NEK11: variants seen among roughly 807,000 people sequenced by gnomAD.
NEK11 encodes the protein serine/threonine-protein kinase Nek11.
NEK11 carries 72 observed loss-of-function variants against 80.7 expected under a neutral mutation model. That is an observed-to-expected ratio of 0.89 (90% CI 0.74 to 1.08). The LOEUF is 1.08. Among genes scored for constraint, NEK11 ranks in the 50% least tolerant of loss-of-function variants. NEK11 has a pLI of 0.00. For missense variants in NEK11, 764 were observed against 763.6 expected (o/e 1.00, Z -0.01); for synonymous variants, 251 against 260.7 (o/e 0.96, Z 0.36).
chr3:131,087,369 G>A (rs1039440105), intron 4 of NEK11, among the ~76,000 whole-genome samples: 2 of 149,342 alleles, frequency 1.3e-5, no homozygotes, highest in African/African-American at 2.5e-5. Flanking sequence ...TCAGCCTCCC[G>A]GGTAGCTGTG....
intron 3 of NEK11, among the ~76,000 whole-genome samples, chr3:131,033,838 T>G (rs2065235281): frequency 6.6e-6 from 1 of 152,210 alleles, no homozygotes; most frequent in Non-Finnish European, 1.5e-5. Flanking sequence ...GTTTTCTTCC[T>G]GGCATAAATA....
At chr3:131,093,687 T>C (rs1406750774) in intron 4 of NEK11, among the ~76,000 whole-genome samples, 1 of 152,124 alleles carries the variant, frequency 6.6e-6, no homozygotes, top group Non-Finnish European at 1.5e-5. Flanking sequence ...ATTACAGGCG[T>C]GAGCCACTGC....
chr3:131,179,412 G>A (rs1001778288), intron 14 of NEK11, among the ~76,000 whole-genome samples: 2 of 152,126 alleles, frequency 1.3e-5, no homozygotes, highest in African/African-American at 2.4e-5. Flanking sequence ...AATATGAGCT[G>A]GAAGTAAGGA....
intron 3 of NEK11, among the ~76,000 whole-genome samples, chr3:131,055,643 T>C (rs2069328143): frequency 6.6e-6 from 1 of 152,068 alleles, no homozygotes; most frequent in Admixed American, 6.5e-5. Context: ...GGTGAAAGGA[T>C]CACTTGAGCC....
At chr3:131,085,136 C>T (rs989230210) in intron 4 of NEK11, among the ~76,000 whole-genome samples, 1 of 152,288 alleles carries the variant, frequency 6.6e-6, no homozygotes. Context: ...TCCCAGGCAA[C>T]CTTCTGATCC....
intron 1 of NEK11, 93 bp downstream of exon 1, chr3:131,027,099 T>C (rs1457966335): frequency 1.3e-5 from 2 of 152,422 alleles, no homozygotes; most frequent in Admixed American, 6.5e-5. Context: ...TCCGAATCTC[T>C]AGGACGCCAT....
intron 15 of NEK11, among the ~76,000 whole-genome samples, chr3:131,233,035 A>ATT (rs2095362984): frequency 7.3e-6 from 1 of 136,428 alleles, no homozygotes; most frequent in Non-Finnish European, 1.6e-5. Context: ...GAAGGAAGGA[A>ATT]GGTTGGATGA....
chr3:131,177,963 C>T (rs930926829), intron 14 of NEK11, among the ~76,000 whole-genome samples: 2 of 152,214 alleles, frequency 1.3e-5, no homozygotes, highest in Non-Finnish European at 2.9e-5. Flanking sequence ...GCCTAATGCG[C>T]ATCTAGGCTC....
At chr3:131,036,115 C>T (rs534284931) in intron 3 of NEK11, among the ~76,000 whole-genome samples, 1 of 152,302 alleles carries the variant, frequency 6.6e-6, no homozygotes, top group East Asian at 1.9e-4. Flanking sequence ...TGGCATTGGT[C>T]CTAGTCATTG....
At chr3:131,100,104 T>A (rs1267860149) in intron 4 of NEK11, among the ~76,000 whole-genome samples, 2 of 152,242 alleles carry the variant, frequency 1.3e-5, no homozygotes, top group South Asian at 4.1e-4. Context: ...TCTTCATAGA[T>A]GGCTCTTATT....
intron 4 of NEK11, among the ~76,000 whole-genome samples, chr3:131,082,145 C>A (rs886716425): frequency 7.2e-5 from 11 of 152,130 alleles, no homozygotes; most frequent in African/African-American, 2.4e-4. Context: ...CAGTGGATTG[C>A]TGAGAAAATC....
At position 131,211,381 on chromosome 3, in the gene NEK11, C is replaced by G. The variant is rs947304602; in HGVS notation, c.1400-17147C>G. ...TCCCTTTGTGGGTAACCCAACCTTT[C>G]TCTCTGGCTGCCCTTAACATTTTTT... On this transcript the variant is annotated intron_variant, in intron 14 of 17. Coordinates refer to ENST00000383366, the MANE Select transcript of NEK11 (RefSeq NM_024800.5). 5.9e-5 allele frequency among the ~76,000 whole-genome samples: 9 copies of G among 152,298 alleles called. No individual in the cohort carries two copies. In the East Asian group the frequency reaches 1.7e-3, roughly 29 times the overall value.
intron 3 of NEK11, among the ~76,000 whole-genome samples, chr3:131,059,034 A>C (rs1328999941): frequency 2.0e-5 from 3 of 152,236 alleles, no homozygotes; most frequent in Non-Finnish European, 4.4e-5. Context: ...TTCAAAAGAA[A>C]GATTAAAAAA....
At chr3:131,338,265 G>GT (rs1554023900) in intron 17 of NEK11, among the ~76,000 whole-genome samples, 21,927 of 91,618 alleles carry the variant, frequency 0.24, 3,981 homozygotes, top group Middle Eastern at 0.34. Context: ...GCGCCCAGCT[G>GT]GTTTTTTTTT....
rs568713944 is a variant in NEK11 at position 131,338,690 on chromosome 3, C to A, written c.1719-10867C>A. Among the ~76,000 whole-genome samples, 104 of 152,190 alleles carry A rather than the reference C, an allele frequency of 6.8e-4. 3 individuals are homozygous for A. Among genetic ancestry groups the A allele is most frequent in the Non-Finnish European group, 4.8e-4 (33 of 68,050 alleles). On this transcript the variant is annotated intron_variant, in intron 17 of 17. Coordinates refer to ENST00000383366, the MANE Select transcript of NEK11 (RefSeq NM_024800.5). ...AAGGAACAAATTATAATACACACAG[C>A]AGTTTAGATGAATCTCAAAGATGCT... is the stretch of plus-strand genomic sequence containing the variant.
chr3:131,148,621 G>A (rs1339692757), intron 7 of NEK11, among the ~76,000 whole-genome samples: 3 of 151,844 alleles, frequency 2.0e-5, no homozygotes, highest in African/African-American at 7.3e-5. Context: ...GTCCTTATAA[G>A]GATTGCTTTA....
chr3:131,269,287 C>T (rs1478330089), intron 16 of NEK11, among the ~76,000 whole-genome samples: 1 of 152,212 alleles, frequency 6.6e-6, no homozygotes, highest in East Asian at 1.9e-4. Context: ...GATTTTGTCT[C>T]GCTGGCATTC....
At chr3:131,259,922 G>A (rs1420084712) in intron 16 of NEK11, among the ~76,000 whole-genome samples, 2 of 152,162 alleles carry the variant, frequency 1.3e-5, no homozygotes, top group African/African-American at 4.8e-5. Flanking sequence ...GCAGTACAGA[G>A]ACTACCCTGT....
At position 131,098,008 on chromosome 3, in the gene NEK11, A is replaced by G. The variant is rs1438352127; in HGVS notation, c.337-11795A>G. 3.4e-5 allele frequency among the ~76,000 whole-genome samples: 5 copies of G among 145,672 alleles called. No individual in the cohort carries two copies. The East Asian group carries it at 9.7e-4, about 28-fold the overall frequency. On this transcript the variant is annotated intron_variant, in intron 4 of 17. Coordinates refer to ENST00000383366, the MANE Select transcript of NEK11 (RefSeq NM_024800.5). Reference sequence around the variant, plus strand: ...CCCTCAGAAATAATGCCGCATATCTACAACTATCTGATCTTTGACAAACCT... The same window carrying G: ...CCCTCAGAAATAATGCCGCATATCTGCAACTATCTGATCTTTGACAAACCT...
Sources: allele counts gnomAD v4.1 joint callset (sites outside exome capture counted in the v4.1 genomes callset), GRCh38; gene constraint gnomAD v4.1.1; transcripts MANE v1.5; gene names NCBI Gene and HGNC (gene_info 2026-07-23, HGNC 2026-07-21).